IQCM: variants seen among roughly 807,000 people sequenced by gnomAD.
IQCM encodes IQ domain-containing protein M.
Under a neutral mutation model 57.6 loss-of-function variants are expected in IQCM, and 45 were observed. That is an observed-to-expected ratio of 0.78 (90% CI 0.62 to 1.00). The LOEUF (loss-of-function observed/expected upper bound fraction) is 1.00. Among genes scored for constraint, IQCM ranks in the 50% least tolerant of loss-of-function variants. The pLI is 0.00. For missense variants in IQCM, 468 were observed against 511.6 expected (o/e 0.91, Z 0.82); for synonymous variants, 148 against 158.9 (o/e 0.93, Z 0.51).
chr4:149,677,917 C>T (rs1197767530), intron 7 of IQCM, among the ~76,000 whole-genome samples: 1 of 151,546 alleles, frequency 6.6e-6, no homozygotes, highest in Non-Finnish European at 1.5e-5. Flanking sequence ...AAGCTCTCAA[C>T]AGAAAGGATC....
intron 2 of IQCM, among the ~76,000 whole-genome samples, chr4:149,788,914 G>A (rs1286624061): frequency 6.6e-6 from 1 of 152,206 alleles, no homozygotes; most frequent in East Asian, 1.9e-4. Flanking sequence ...AGTATCACAT[G>A]TTCTCACTCC....
intron 12 of IQCM, among the ~76,000 whole-genome samples, chr4:149,451,440 A>G (rs1737110377): frequency 6.6e-6 from 1 of 151,812 alleles, no homozygotes; most frequent in Admixed American, 6.6e-5. Flanking sequence ...ACAGCATCTC[A>G]TGTACTCCAT....
chr4:149,397,412 G>T (rs1448784831), intron 13 of IQCM, among the ~76,000 whole-genome samples: 3 of 152,102 alleles, frequency 2.0e-5, no homozygotes, highest in South Asian at 4.1e-4. Context: ...GAGATCTCAT[G>T]GGAGGTGATT....
intron 8 of IQCM, among the ~76,000 whole-genome samples, chr4:149,608,128 T>C (rs1411842667): frequency 6.6e-6 from 1 of 151,882 alleles, no homozygotes; most frequent in African/African-American, 2.4e-5. Context: ...ATGGCTATAC[T>C]TATCAGATAA....
At chr4:149,735,556 T>C (rs1206334278) in intron 3 of IQCM, 98 bp from the exon 4 acceptor site, 2 of 471,724 alleles carry the variant, frequency 4.2e-6, no homozygotes, top group African/African-American at 2.0e-5. Flanking sequence ...TACAATGATC[T>C]CTTAACATAA....
At chr4:149,392,862 A>G (rs1731963620) in intron 13 of IQCM, among the ~76,000 whole-genome samples, 1 of 152,016 alleles carries the variant, frequency 6.6e-6, no homozygotes, top group South Asian at 2.1e-4. Flanking sequence ...TTTAAGGAAT[A>G]TGATTTGAAC....
At chr4:149,494,419 C>T (rs1742432968) in intron 12 of IQCM, among the ~76,000 whole-genome samples, 1 of 152,088 alleles carries the variant, frequency 6.6e-6, no homozygotes, top group Non-Finnish European at 1.5e-5. Flanking sequence ...AATTTCAATA[C>T]ACTAAAGTCC....
chr4:149,633,703 T>C (rs1379890173), intron 7 of IQCM, among the ~76,000 whole-genome samples: 1 of 152,204 alleles, frequency 6.6e-6, no homozygotes, highest in East Asian at 1.9e-4. Context: ...TATGTCCACA[T>C]ATGAACCTTT....
chr4:149,528,116 G>C (rs1746355606), intron 12 of IQCM, among the ~76,000 whole-genome samples: 1 of 151,790 alleles, frequency 6.6e-6, no homozygotes, highest in African/African-American at 2.4e-5. Context: ...CTCCTGAGTA[G>C]CTGGGATTAC....
chr4:149,418,612 C>T (rs1733915387), intron 13 of IQCM, among the ~76,000 whole-genome samples: 1 of 152,056 alleles, frequency 6.6e-6, no homozygotes, highest in Admixed American at 6.6e-5. Context: ...CATCCTGATA[C>T]CAAAACCTGA....
chr4:149,721,292 A>G (rs1765430229), intron 5 of IQCM, among the ~76,000 whole-genome samples: 1 of 151,962 alleles, frequency 6.6e-6, no homozygotes, highest in African/African-American at 2.4e-5. Flanking sequence ...TCTTTTATTT[A>G]TATTTTTTAT....
chr4:149,360,207 T>C (rs988923361), intron 13 of IQCM, among the ~76,000 whole-genome samples: 8 of 152,138 alleles, frequency 5.3e-5, no homozygotes. Flanking sequence ...CAACTAACTG[T>C]GGATCTAATA....
At chr4:149,501,080 C>T (rs541302959) in intron 12 of IQCM, among the ~76,000 whole-genome samples, 1 of 152,240 alleles carries the variant, frequency 6.6e-6, no homozygotes, top group South Asian at 2.1e-4. Flanking sequence ...TTTTCCCTTC[C>T]ATATTTTGGC....
At position 149,373,592 on chromosome 4, in the gene IQCM, A is replaced by T. The variant is rs562883737; in HGVS notation, c.1391-21526T>A. Among the ~76,000 whole-genome samples, 32 of 152,154 alleles carry T rather than the reference A, an allele frequency of 2.1e-4. 1 individual carries two copies. Among genetic ancestry groups the T allele is most frequent in the African/African-American group, 4.8e-5 (2 of 41,432 alleles). On this transcript the variant is annotated intron_variant, in intron 13 of 13. Coordinates refer to ENST00000636793, the MANE Select transcript of IQCM (RefSeq NM_001363507.2). ...AATTTTGTCTATTAAGTGAATATAA[A>T]TTACCTGCATAAATATTTAATTCAG...
intron 12 of IQCM, among the ~76,000 whole-genome samples, chr4:149,433,891 T>G (rs181450015): frequency 6.6e-6 from 1 of 152,062 alleles, no homozygotes; most frequent in East Asian, 1.9e-4. Context: ...TTAATTTCTA[T>G]TTAACAATGG....
intron 7 of IQCM, among the ~76,000 whole-genome samples, chr4:149,648,860 C>G (rs1269941387): frequency 6.6e-6 from 1 of 151,408 alleles, no homozygotes; most frequent in Non-Finnish European, 1.5e-5. Flanking sequence ...AACAAACCTG[C>G]ACGTTGTGCA....
Position 149,385,396 on chromosome 4 carries a change from T to C in IQCM, c.1391-33330A>G, listed in dbSNP as rs145645883. ...AGGGGACAAAGGCAGGAGTAGACAA[T>C]TGTAATAGGGTAAGTTGACGAAACT... On this transcript the variant is annotated intron_variant, in intron 13 of 13. Coordinates refer to ENST00000636793, the MANE Select transcript of IQCM (RefSeq NM_001363507.2). Among the ~76,000 whole-genome samples, 83 of 152,060 alleles carry C rather than the reference T, an allele frequency of 5.5e-4. No homozygotes were observed. In the East Asian group the frequency reaches 0.015, roughly 27 times the overall value.
chr4:149,445,703 T>C (rs1736431454), intron 12 of IQCM, among the ~76,000 whole-genome samples: 2 of 151,800 alleles, frequency 1.3e-5, no homozygotes, highest in South Asian at 4.1e-4. Context: ...AGCCCTTTCA[T>C]AACGGCTAAC....
chr4:149,735,611 A>G (rs1766863965), intron 3 of IQCM, among the ~76,000 whole-genome samples, 153 bp from the exon 4 acceptor site: 1 of 152,180 alleles, frequency 6.6e-6, no homozygotes, highest in Admixed American at 6.5e-5. Context: ...TGGTCAGGTG[A>G]TAAGATAGGT....
Sources: gnomAD v4.1 joint callset for allele counts (sites outside exome capture counted in the v4.1 genomes callset) on GRCh38, gnomAD v4.1.1 for gene constraint, MANE v1.5 for transcripts, NCBI Gene and HGNC (gene_info 2026-07-23, HGNC 2026-07-21) for gene names.